The following NSF variants were observed in gnomAD, a reference collection of about 807,000 sequenced individuals.
The protein encoded by NSF is vesicle-fusing ATPase.
Under a neutral mutation model 50.3 loss-of-function variants are expected in NSF, and 14 were observed. That is an observed-to-expected ratio of 0.28 (90% CI 0.18 to 0.44). The LOEUF is 0.44. NSF is among the 20% of genes least tolerant of loss of function. NSF has a pLI of 1.00. For missense variants in NSF, 218 were observed against 504.3 expected, an observed-to-expected ratio of 0.43 and a Z score of 5.44; for synonymous variants, 109 against 175.7, an observed-to-expected ratio of 0.62 and a Z score of 3.00.
chr17:46,742,023 A>G (rs1391844241), intron 17 of NSF, among the ~76,000 whole-genome samples: 2 of 152,084 alleles, frequency 1.3e-5, no homozygotes, highest in African/African-American at 2.4e-5. Context: ...CAAAGTGTTG[A>G]GATTATAGGT....
intron 13 of NSF, among the ~76,000 whole-genome samples, chr17:46,706,680 TGAATGA>T (rs1020112175): frequency 1.3e-4 from 20 of 148,206 alleles, no homozygotes; most frequent in African/African-American, 4.8e-4. Flanking sequence ...TAAGAATTCT[TGAATGA>T]ATTTCTCTTA....
chr17:46,734,647 A>G (rs2058982611), intron 17 of NSF, among the ~76,000 whole-genome samples: 1 of 152,232 alleles, frequency 6.6e-6, no homozygotes, highest in Non-Finnish European at 1.5e-5. Flanking sequence ...ATAGTGATCA[A>G]CTAAGATAAT....
In NSF at chr17:46,740,396, G is replaced by T. The variant is rs143590260; in HGVS notation, c.1909-9377G>T. 1.7e-3 allele frequency among the ~76,000 whole-genome samples: 258 copies of T among 152,280 alleles called. 1 individual carries two copies. Among genetic ancestry groups the T allele is most frequent in the African/African-American group, 5.8e-3 (241 of 41,558 alleles). ...GGAGAAAGCATTTTAATAAACAAAT[G>T]CTATGGATAAAAATCACAGAGGTAA... On this transcript the variant is annotated intron_variant, in intron 17 of 20. Coordinates refer to ENST00000398238, the MANE Select transcript of NSF (RefSeq NM_006178.4).
chr17:46,755,106 A>C (rs1414732199), intron 19 of NSF, among the ~76,000 whole-genome samples: 2 of 152,264 alleles, frequency 1.3e-5, no homozygotes, highest in East Asian at 3.8e-4. Flanking sequence ...CCCAGTGTAC[A>C]TAGTTCTGGA....
intron 17 of NSF, 90 bp from the exon 18 acceptor site, chr17:46,749,683 A>G: frequency 8.1e-7 from 1 of 1,235,094 alleles, no homozygotes. Flanking sequence ...AGATTAAATA[A>G]AAGTCTTTTG....
intron 17 of NSF, among the ~76,000 whole-genome samples, chr17:46,738,007 C>T (rs1376764521): frequency 6.6e-6 from 1 of 151,794 alleles, no homozygotes; most frequent in Non-Finnish European, 1.5e-5. Flanking sequence ...CAGTCTCAAT[C>T]ACTGCAGCCT....
intron 17 of NSF, among the ~76,000 whole-genome samples, chr17:46,734,910 A>T (rs1361651459): frequency 1.3e-5 from 2 of 152,080 alleles, no homozygotes; most frequent in African/African-American, 4.8e-5. Context: ...AGTTAGTCGA[A>T]TGTGGTGGTG....
chr17:46,713,239 A>G (rs1228299778), intron 14 of NSF: 1 of 152,438 alleles, frequency 6.6e-6, no homozygotes, highest in Non-Finnish European at 1.5e-5. Flanking sequence ...CATATGGGAG[A>G]AAGGAACAAT....
chr17:46,708,860 C>G (rs1168198142), intron 13 of NSF, among the ~76,000 whole-genome samples: 4 of 108,766 alleles, frequency 3.7e-5, no homozygotes, highest in Admixed American at 2.4e-4. Context: ...GAGTCTTGCT[C>G]TGTTGCCAGG....
chr17:46,636,080 T>C (rs1450347485), intron 4 of NSF, among the ~76,000 whole-genome samples: 1 of 43,784 alleles, frequency 2.3e-5, no homozygotes, highest in Non-Finnish European at 4.7e-5. Context: ...GGGAAATGCT[T>C]CTTTGTAATT....
chr17:46,755,575 C>A, intron 20 of NSF: 1 of 684,372 alleles, frequency 1.5e-6, no homozygotes, highest in Non-Finnish European at 2.4e-6. Flanking sequence ...ACTTCCTTGT[C>A]ACAATGCAGG....
intron 14 of NSF, among the ~76,000 whole-genome samples, chr17:46,712,956 A>G (rs1459768989): frequency 1.3e-5 from 2 of 152,214 alleles, no homozygotes; most frequent in African/African-American, 2.4e-5. Context: ...GTTTGATGAC[A>G]TGGAGATCAT....
chr17:46,721,545 G>T (rs1025671108), intron 15 of NSF: 3 of 1,208,820 alleles, frequency 2.5e-6, no homozygotes, highest in Non-Finnish European at 3.6e-6. Context: ...TTTTCTGTGT[G>T]TGTGTGAATA....
At chr17:46,730,203 A>G (rs949430295) in intron 17 of NSF, among the ~76,000 whole-genome samples, 2 of 152,188 alleles carry the variant, frequency 1.3e-5, no homozygotes, top group Non-Finnish European at 1.5e-5. Flanking sequence ...CCCAACATCT[A>G]CATATATTAT....
intron 8 of NSF, among the ~76,000 whole-genome samples, chr17:46,657,306 AG>A (rs1474589882): frequency 4.8e-5 from 7 of 146,344 alleles, no homozygotes; most frequent in Non-Finnish European, 1.1e-4. Context: ...AATGTTAAGG[AG>A]ATCAAAGCAA....
At chr17:46,703,680 C>CAAAA (rs149212597) in intron 12 of NSF, among the ~76,000 whole-genome samples, 31 of 37,546 alleles carry the variant, frequency 8.3e-4, no homozygotes, top group African/African-American at 2.1e-3. Flanking sequence ...GACTCCGTCT[C>CAAAA]AAAAAAAAAA....
chr17:46,728,932 C>T lies in NSF; in HGVS notation c.1906C>T (p.Gln636Ter). The T allele has an allele frequency of 6.3e-7, 1 of 1,586,904 alleles. No individual in the cohort carries two copies. The change falls in exon 17 of 21, where the codon CAG (glutamine) becomes TAG (stop). Residue 636 changes from glutamine (Q) to a stop codon, truncating the protein, a stop_gained and splice_region_variant. Transcript: ENST00000398238. LOFTEE classifies it high-confidence loss of function. ...CGTTTTACTGAAAAAGGCACCTCCT[C>T]AGGTAAAATAATACTACTAATAAGG... ...LLVLLKKAPP[Q>*]GRKLLIIGTT...
At chr17:46,732,360 AC>A (rs2058958467) in intron 17 of NSF, among the ~76,000 whole-genome samples, 1 of 66,472 alleles carries the variant, frequency 1.5e-5, no homozygotes, top group South Asian at 6.2e-4. Flanking sequence ...CTCCCCCACC[AC>A]CCCCTCCCTT....
intron 15 of NSF, chr17:46,721,535 T>G (rs1203122771): frequency 5.9e-6 from 7 of 1,178,138 alleles, no homozygotes; most frequent in African/African-American, 1.5e-5. Flanking sequence ...TATACATTCT[T>G]TTTCTGTGTG....
Sources: allele counts gnomAD v4.1 joint callset (sites outside exome capture counted in the v4.1 genomes callset), GRCh38; gene constraint gnomAD v4.1.1; transcripts MANE v1.5; gene names NCBI Gene and HGNC (gene_info 2026-07-23, HGNC 2026-07-21).